ACBD6: variants seen among roughly 807,000 people sequenced by gnomAD.
ACBD6 encodes the protein acyl-CoA-binding domain-containing protein 6.
In ACBD6, 28 loss-of-function variants were observed where a neutral mutation model predicts 37.2. The ratio of observed to expected loss-of-function variants is 0.75; its 90% CI spans 0.56 to 1.03. The LOEUF is 1.03. ACBD6 is among the 50% of genes least tolerant of loss of function. The pLI, the probability that ACBD6 is intolerant of heterozygous loss-of-function variation, is 0.00. For missense variants in ACBD6, 340 were observed against 337.4 expected (o/e 1.01, Z -0.06); for synonymous variants, 113 against 126.8 (o/e 0.89, Z 0.73).
At chr1:180,357,245 T>C (rs1652664621) in intron 6 of ACBD6, among the ~76,000 whole-genome samples, 1 of 152,198 alleles carries the variant, frequency 6.6e-6, no homozygotes. Context: ...TAATAGTAGC[T>C]ATATTTCGTG....
intron 3 of ACBD6, among the ~76,000 whole-genome samples, chr1:180,431,387 T>C (rs978923029): frequency 6.8e-5 from 8 of 116,866 alleles, no homozygotes; most frequent in Non-Finnish European, 1.3e-4. Flanking sequence ...AATGACAAAG[T>C]ATATAAAGTG....
At chr1:180,462,571 A>G (rs1047263837) in intron 3 of ACBD6, among the ~76,000 whole-genome samples, 1 of 152,228 alleles carries the variant, frequency 6.6e-6, no homozygotes, top group Non-Finnish European at 1.5e-5. Flanking sequence ...GAGCACCCAG[A>G]TTCATAAAGC....
Position 180,458,891 on chromosome 1 carries a change from A to T in ACBD6, c.385-28629T>A, listed in dbSNP as rs57897169. Among the ~76,000 whole-genome samples the T allele has an allele frequency of 6.7e-3, 1,016 of 152,292 alleles. 18 individuals are homozygous for T. Among genetic ancestry groups the T allele is most frequent in the African/African-American group, 0.023 (971 of 41,568 alleles). On this transcript the variant is annotated intron_variant, in intron 3 of 7. Transcript: ENST00000367595. ...ATTTTCCTATTAAACTTCATTATTT[A>T]AAAAAAGGCATATGTTCCATTATAA...
chr1:180,436,048 A>G (rs959071485), intron 3 of ACBD6: 12 of 644,270 alleles, frequency 1.9e-5, no homozygotes, highest in Non-Finnish European at 2.7e-5. Context: ...AAGTATTGCT[A>G]AATATGTTAG....
At chr1:180,271,353 C>A (rs777911130) in exon 14 of ACBD6, 31 of 1,613,942 alleles carry the variant, frequency 1.9e-5, no homozygotes, top group Non-Finnish European at 2.6e-5. Flanking sequence ...TAGGCCGAAG[C>A]CAGTAAGCAG....
intron 7 of ACBD6, among the ~76,000 whole-genome samples, chr1:180,294,826 C>T (rs1393468904): frequency 6.6e-6 from 1 of 151,928 alleles, no homozygotes; most frequent in African/African-American, 2.4e-5. Context: ...TCCTGAGTAG[C>T]TGGGACTTAC....
chr1:180,271,738 G>T (rs1648674251), exon 14 of ACBD6: 2 of 1,414,050 alleles, frequency 1.4e-6, no homozygotes, highest in Admixed American at 3.3e-5. Context: ...CTCCATTCAG[G>T]CTTCAGTCTG....
chr1:180,319,258 A>G (rs1350591409), intron 6 of ACBD6, among the ~76,000 whole-genome samples: 2 of 152,242 alleles, frequency 1.3e-5, no homozygotes, highest in African/African-American at 4.8e-5. Context: ...TGCCTAGCTC[A>G]GTGTCTTGCA....
At chr1:180,325,307 TA>T (rs1651217157) in intron 6 of ACBD6, among the ~76,000 whole-genome samples, 2 of 152,194 alleles carry the variant, frequency 1.3e-5, no homozygotes, top group South Asian at 4.1e-4. Flanking sequence ...TATTTTTAAG[TA>T]GTCTGTCTTC....
At chr1:180,340,794 T>C (rs1292964987) in intron 6 of ACBD6, among the ~76,000 whole-genome samples, 1 of 152,040 alleles carries the variant, frequency 6.6e-6, no homozygotes, top group Non-Finnish European at 1.5e-5. Flanking sequence ...AAAGCACAGA[T>C]GCAGGTAAGT....
At chr1:180,380,788 TAA>T (rs1388030053) in intron 6 of ACBD6, among the ~76,000 whole-genome samples, 2 of 151,440 alleles carry the variant, frequency 1.3e-5, no homozygotes, top group African/African-American at 4.9e-5. Context: ...TGATAAAAAA[TAA>T]GAGAGAAATA....
intron 3 of ACBD6, among the ~76,000 whole-genome samples, chr1:180,462,841 C>T (rs1463985539): frequency 6.6e-5 from 10 of 152,170 alleles, no homozygotes; most frequent in Admixed American, 5.2e-4. Flanking sequence ...GTAAAACACT[C>T]CTCAGCAAAT....
chr1:180,357,042 A>G (rs1431468168), intron 6 of ACBD6, among the ~76,000 whole-genome samples: 2 of 152,320 alleles, frequency 1.3e-5, no homozygotes, highest in African/African-American at 4.8e-5. Context: ...ACTAACACCA[A>G]TTTAAAAAAT....
At chr1:180,331,522 T>C (rs1309442772) in intron 6 of ACBD6, among the ~76,000 whole-genome samples, 1 of 152,226 alleles carries the variant, frequency 6.6e-6, no homozygotes. Flanking sequence ...CCACTTTGAC[T>C]ATAAGAATTT....
intron 3 of ACBD6, among the ~76,000 whole-genome samples, chr1:180,462,815 G>A (rs1370786171): frequency 3.9e-5 from 6 of 151,934 alleles, no homozygotes; most frequent in East Asian, 1.9e-4. Flanking sequence ...CTCTAAAATC[G>A]GTCACATAAT....
At chr1:180,340,236 G>C (rs138238185) in intron 6 of ACBD6, among the ~76,000 whole-genome samples, 192 of 152,278 alleles carry the variant, frequency 1.3e-3, no homozygotes, top group African/African-American at 4.3e-3. Context: ...ACCACTGAAG[G>C]GTTGTGAGCA....
At chr1:180,287,409 CAAAAAAAAAA>C (rs368741985), downstream of ACBD6, 1 of 74,324 alleles carries the variant, frequency 1.3e-5, no homozygotes, top group Admixed American at 1.5e-4. Flanking sequence ...GACCCTGTCT[CAAAAAAAAAA>C]AAAAAAAAAA....
In ACBD6 at chr1:180,397,606, C is replaced by T; in HGVS notation, c.574-1G>A. On this transcript the variant is annotated splice_acceptor_variant, in intron 5 of 7. Transcript: ENST00000367595. LOFTEE classifies it high-confidence loss of function. ...AGGCCCAGTGAAGTAGAGCCCTACC[C>T]TAAAAACACAGAAGATAAATGAATT... 6.2e-7 allele frequency: 1 copy of T among 1,611,736 alleles called. No individual in the cohort carries two copies. The highest frequency in any genetic ancestry group is 8.5e-7 in the Non-Finnish European group (1 of 1,177,910).
intron 4 of ACBD6, among the ~76,000 whole-genome samples, chr1:180,417,089 T>C (rs1301749839): frequency 6.6e-6 from 1 of 152,250 alleles, no homozygotes; most frequent in Non-Finnish European, 1.5e-5. Flanking sequence ...TAAAAACAAA[T>C]GCCATAATTC....
Sources: allele counts gnomAD v4.1 joint callset (sites outside exome capture counted in the v4.1 genomes callset), GRCh38; gene constraint gnomAD v4.1.1; transcripts MANE v1.5; gene names NCBI Gene and HGNC (gene_info 2026-07-23, HGNC 2026-07-21).